Variants in POC1B observed in about 807,000 individuals in gnomAD.
POC1B encodes POC1 centriolar protein homolog B.
Under a neutral mutation model 60.6 loss-of-function variants are expected in POC1B, and 44 were observed. The observed-to-expected ratio is 0.73, with a 90% confidence interval of 0.57 to 0.93. The LOEUF is 0.93. Among genes scored for constraint, POC1B ranks in the 40% least tolerant of loss-of-function variants. POC1B has a pLI of 0.00. For synonymous variants in POC1B, 180 were observed against 198.9 expected (o/e 0.90, Z 0.80); for missense variants, 555 against 572.3 (o/e 0.97, Z 0.31).
At chr12:89,419,535 T>C (rs763732484), downstream of POC1B, among the ~76,000 whole-genome samples, 2 of 152,132 alleles carry the variant, frequency 1.3e-5, no homozygotes, top group African/African-American at 4.8e-5. Context: ...ACCTATGAGA[T>C]TGTTAGAGAT....
downstream of POC1B, among the ~76,000 whole-genome samples, chr12:89,415,963 C>T (rs1238310847): frequency 6.6e-6 from 1 of 152,222 alleles, no homozygotes; most frequent in Non-Finnish European, 1.5e-5. Flanking sequence ...TTTGCCTATC[C>T]TATTTCTTCC....
chr12:89,439,811 G>C (rs572828770), intron 10 of POC1B, among the ~76,000 whole-genome samples: 1 of 152,030 alleles, frequency 6.6e-6, no homozygotes. Flanking sequence ...TTGCCATTTG[G>C]CCAGGCTGGT....
intron 4 of POC1B, among the ~76,000 whole-genome samples, chr12:89,472,937 T>G (rs1227857379): frequency 6.6e-6 from 1 of 152,250 alleles, no homozygotes; most frequent in Admixed American, 6.5e-5. Context: ...ACATCTTGTC[T>G]GCTGTTTTAT....
At chr12:89,502,536 G>C in intron 2 of POC1B, 1 of 1,119,686 alleles carries the variant, frequency 8.9e-7, no homozygotes, top group Non-Finnish European at 1.3e-6. Context: ...AGAAAGACTA[G>C]CTTAATGGTA....
downstream of POC1B, among the ~76,000 whole-genome samples, chr12:89,416,443 G>A (rs1880366184): frequency 6.6e-6 from 1 of 152,200 alleles, no homozygotes; most frequent in Admixed American, 6.5e-5. Flanking sequence ...GCATGATTGT[G>A]GGGGAAGGGA....
At chr12:89,479,793 A>G (rs981844550) in intron 4 of POC1B, among the ~76,000 whole-genome samples, 1 of 152,158 alleles carries the variant, frequency 6.6e-6, no homozygotes, top group Non-Finnish European at 1.5e-5. Context: ...TGCTCTACTG[A>G]TCCTCTACAT....
chr12:89,524,606 G>A, intron 2 of POC1B: 1 of 1,578,552 alleles, frequency 6.3e-7, no homozygotes, highest in East Asian at 2.2e-5. Flanking sequence ...GCAGGGGAAG[G>A]GCGGCGGAAC....
chr12:89,467,558 TGAGGTCAAGGA>T, intron 8 of POC1B, 48 bp downstream of exon 8: 1 of 1,397,726 alleles, frequency 7.2e-7, no homozygotes, highest in South Asian at 1.2e-5. Context: ...AACTCTTAGC[TGAGGTCAAGGA>T]TTCCTTTACC....
At chr12:89,415,912 TA>T (rs1309456662), downstream of POC1B, among the ~76,000 whole-genome samples, 1 of 152,246 alleles carries the variant, frequency 6.6e-6, no homozygotes, top group Non-Finnish European at 1.5e-5. Context: ...TGGCAGGTTA[TA>T]GCAGTGCCCA....
At chr12:89,524,435 C>T (rs1871229023) in intron 2 of POC1B, 1 of 1,613,908 alleles carries the variant, frequency 6.2e-7, no homozygotes, top group Non-Finnish European at 8.5e-7. Flanking sequence ...CTGGCACGGC[C>T]GGCTCCTGCG....
chr12:89,438,232 C>G (rs889753378), intron 10 of POC1B, among the ~76,000 whole-genome samples: 1 of 151,782 alleles, frequency 6.6e-6, no homozygotes, highest in Non-Finnish European at 1.5e-5. Flanking sequence ...CCGAGGCGGG[C>G]GGATCACGAG....
the POC1B span, among the ~76,000 whole-genome samples, chr12:89,401,830 G>T: frequency 6.6e-6 from 1 of 152,266 alleles, no homozygotes; most frequent in African/African-American, 2.4e-5. Flanking sequence ...AACTTTGCAT[G>T]GGTCAGCCAT....
chr12:89,445,390 T>C (rs1466516427), intron 10 of POC1B, among the ~76,000 whole-genome samples: 1 of 152,184 alleles, frequency 6.6e-6, no homozygotes, highest in African/African-American at 2.4e-5. Context: ...AACAGCATGG[T>C]ACTGGTACCA....
chr12:89,525,299 G>A, intron 1 of POC1B, 95 bp from the exon 2 acceptor site: 2 of 1,484,612 alleles, frequency 1.3e-6, no homozygotes, highest in Non-Finnish European at 1.8e-6. Context: ...GTCCGGCTTG[G>A]GAATGGCCAC....
At chr12:89,485,735 A>G (rs1003021490) in intron 4 of POC1B, among the ~76,000 whole-genome samples, 4 of 152,236 alleles carry the variant, frequency 2.6e-5, no homozygotes, top group Non-Finnish European at 4.4e-5. Context: ...TGGATTTGCT[A>G]GAAAAGATTC....
intron 5 of POC1B, 76 bp downstream of exon 5, chr12:89,472,092 A>G (rs1214351158): frequency 2.0e-6 from 2 of 1,003,090 alleles, no homozygotes; most frequent in Non-Finnish European, 3.0e-6. Flanking sequence ...TTACTCATTT[A>G]TTTATTTAAA....
At chr12:89,453,094 G>A (rs1156456268) in intron 10 of POC1B, among the ~76,000 whole-genome samples, 1 of 152,088 alleles carries the variant, frequency 6.6e-6, no homozygotes, top group East Asian at 1.9e-4. Flanking sequence ...TGAAAATGTT[G>A]TGTTTTTCCT....
At chr12:89,444,673 G>A (rs1335427298) in intron 10 of POC1B, among the ~76,000 whole-genome samples, 3 of 152,182 alleles carry the variant, frequency 2.0e-5, no homozygotes, top group African/African-American at 4.8e-5. Context: ...AAAACTGGAA[G>A]CATTCCCTTT....
chr12:89,505,397 A>G (rs147379005), intron 2 of POC1B, among the ~76,000 whole-genome samples: 2 of 152,270 alleles, frequency 1.3e-5, no homozygotes, highest in African/African-American at 4.8e-5. Context: ...ACTATTCACA[A>G]TAGATCAAAG....
Sources: allele counts gnomAD v4.1 joint callset (sites outside exome capture counted in the v4.1 genomes callset), GRCh38; gene constraint gnomAD v4.1.1; transcripts MANE v1.5; gene names NCBI Gene and HGNC (gene_info 2026-07-23, HGNC 2026-07-21).